The following WDR64 variants were observed in gnomAD, a reference collection of about 807,000 sequenced individuals.
The protein encoded by WDR64 is WD repeat-containing protein 64.
In WDR64, 112 loss-of-function variants were observed where a neutral mutation model predicts 139.3. That is an observed-to-expected ratio of 0.80 (90% CI 0.69 to 0.94). WDR64 has a LOEUF of 0.94. Among genes scored for constraint, WDR64 ranks in the 40% least tolerant of loss-of-function variants. WDR64 has a pLI of 0.00. For missense variants in WDR64, 1,206 were observed against 1,293.1 expected, an observed-to-expected ratio of 0.93 and a Z score of 1.03; for synonymous variants, 444 against 437.7, an observed-to-expected ratio of 1.01 and a Z score of -0.18.
At chr1:241,658,134 A>C (rs975075252) in intron 1 of WDR64, among the ~76,000 whole-genome samples, 2 of 152,212 alleles carry the variant, frequency 1.3e-5, no homozygotes, top group Non-Finnish European at 2.9e-5. Flanking sequence ...TCTTACACAT[A>C]ACAGATACTC....
At chr1:241,759,589 C>A (rs1453871267) in intron 15 of WDR64, among the ~76,000 whole-genome samples, 7 of 152,100 alleles carry the variant, frequency 4.6e-5, no homozygotes, top group Admixed American at 3.9e-4. Context: ...TCCCTCTCTA[C>A]CTTCTTAAGC....
At position 241,703,938 on chromosome 1, in the gene WDR64, G is replaced by A. The variant is rs1039140239; in HGVS notation, c.975-7864G>A. Among the ~76,000 whole-genome samples the A allele has an allele frequency of 6.6e-6, 1 of 152,072 alleles. No homozygotes were observed. Among genetic ancestry groups the A allele is most frequent in the East Asian group, 1.9e-4 (1 of 5,192 alleles). The stretch of plus-strand genomic sequence containing the variant: ...CATGAGAACTCACTCACTAACACAA[G>A]AACAACACGGGAGAAGCCGCCCCCA... On this transcript the variant is annotated intron_variant, in intron 8 of 27. Coordinates refer to ENST00000437684, the MANE Select transcript of WDR64 (RefSeq NM_001367482.1). This position sits in a 1 kb window ranked among gnomAD's most constrained non-coding sequence, Gnocchi z 5.9.
intron 1 of WDR64, among the ~76,000 whole-genome samples, chr1:241,658,676 C>T (rs915906379): frequency 7.3e-5 from 11 of 150,162 alleles, no homozygotes; most frequent in Non-Finnish European, 1.3e-4. Context: ...TGTTTGCTCA[C>T]TTCCACCTTC....
rs1665712219 is a variant in WDR64, at chr1:241,658,823, AAACACC to A, written c.146-1705_146-1700del. Among the ~76,000 whole-genome samples the A allele has an allele frequency of 2.0e-5, 3 of 152,130 alleles. No homozygotes were observed. In the South Asian group the frequency reaches 6.2e-4, roughly 32 times the overall value. On this transcript the variant is annotated intron_variant, in intron 1 of 27. Transcript: ENST00000437684. The stretch of plus-strand genomic sequence containing the variant: ...AAACAGAAACCACAGAGAATGTATC[AAACACC>A]ACAGTAAAATATTTTCTTCTTATTT...
At position 241,772,451 on chromosome 1, in the gene WDR64, C is replaced by CTTTTTTTTTTT. The variant is rs534177884; in HGVS notation, c.2291-322_2291-312dup. Among the ~76,000 whole-genome samples the CTTTTTTTTTTT allele has an allele frequency of 4.1e-3, 240 of 59,052 alleles. 46 individuals carry two copies. Among genetic ancestry groups the CTTTTTTTTTTT allele is most frequent in the Middle Eastern group, 0.036 (2 of 56 alleles). The allele number at this position is 59,052 out of a possible 152,430, so 38.7% of individuals were successfully genotyped here. A position where few individuals can be genotyped will look rare whatever the true frequency, so the allele number is the denominator to read the frequency against. ...AGTATTGCAAATTCCAAGATAGATC[C>CTTTTTTTTTTT]TTTTTTTTTTTTTTTTTTTTTTTTT... On this transcript the variant is annotated intron_variant, in intron 19 of 27. Coordinates refer to ENST00000437684, the MANE Select transcript of WDR64 (RefSeq NM_001367482.1).
At chr1:241,728,808 G>A (rs1668956479) in intron 10 of WDR64, among the ~76,000 whole-genome samples, 1 of 144,878 alleles carries the variant, frequency 6.9e-6, no homozygotes, top group Non-Finnish European at 1.5e-5. Context: ...TGACCAAAAG[G>A]CTGATTCTCT....
At position 241,711,782 on chromosome 1, in the gene WDR64, A is replaced by G; in HGVS notation, c.975-20A>G. The G allele has an allele frequency of 1.2e-6, 2 of 1,611,676 alleles. No individual in the cohort carries two copies. Among genetic ancestry groups the G allele is most frequent in the Non-Finnish European group, 8.5e-7 (1 of 1,177,860 alleles). On this transcript the variant is annotated intron_variant, in intron 8 of 27. Transcript: ENST00000437684. ...ATAAAGAAAAATATATATGTTTTCC[A>G]TCTAATTTGTGTTTTCCAGGCCTGT...
At chr1:241,655,539 G>A (rs1380508322) in intron 1 of WDR64, among the ~76,000 whole-genome samples, 1 of 152,098 alleles carries the variant, frequency 6.6e-6, no homozygotes, top group Non-Finnish European at 1.5e-5. Context: ...AAGCATGCAA[G>A]GTCATTCACA....
At chr1:241,705,550 T>TAAAA (rs1275824643) in intron 8 of WDR64, among the ~76,000 whole-genome samples, 6 of 73,124 alleles carry the variant, frequency 8.2e-5, no homozygotes, top group Admixed American at 6.0e-4. Flanking sequence ...TCTAAAAAAA[T>TAAAA]AAATAAATAA....
intron 15 of WDR64, among the ~76,000 whole-genome samples, chr1:241,758,170 A>T (rs1004581243): frequency 6.6e-6 from 1 of 152,156 alleles, no homozygotes; most frequent in Non-Finnish European, 1.5e-5. Context: ...GTGTTATTTA[A>T]GAAGTTCCGC....
At position 241,703,654 on chromosome 1, in the gene WDR64, T is replaced by C. The variant is rs982396382; in HGVS notation, c.975-8148T>C. 3.3e-5 allele frequency among the ~76,000 whole-genome samples: 5 copies of C among 152,188 alleles called. No homozygotes were observed. The highest frequency in any genetic ancestry group is 5.9e-5 in the Non-Finnish European group (4 of 68,036). ...TTAAGGATATTCAAACAATTATTTATTGGGAGCCTTCTATATTCAAAGAAC... is the reference window on the plus strand; with the variant it reads ...TTAAGGATATTCAAACAATTATTTACTGGGAGCCTTCTATATTCAAAGAAC... On this transcript the variant is annotated intron_variant, in intron 8 of 27. Transcript: ENST00000437684. This position sits in a 1 kb window ranked among gnomAD's most constrained non-coding sequence, Gnocchi z 5.9.
At chr1:241,770,584 A>C (rs993513522) in intron 17 of WDR64, 37 bp from the exon 18 acceptor site, 1 of 1,533,900 alleles carries the variant, frequency 6.5e-7, no homozygotes, top group Non-Finnish European at 8.8e-7. Context: ...AGCATATCTT[A>C]AAGTTTTACC....
intron 10 of WDR64, among the ~76,000 whole-genome samples, chr1:241,725,061 G>C (rs1488586527): frequency 2.0e-5 from 3 of 151,988 alleles, no homozygotes; most frequent in African/African-American, 7.2e-5. Flanking sequence ...GCAATAAAAA[G>C]CAGAGAAATT....
intron 27 of WDR64, among the ~76,000 whole-genome samples, chr1:241,796,715 A>G (rs1659378835): frequency 6.6e-6 from 1 of 152,168 alleles, no homozygotes; most frequent in Non-Finnish European, 1.5e-5. Flanking sequence ...GCTGGTCTCG[A>G]ACTCCTGACC....
intron 4 of WDR64, 55 bp from the exon 5 acceptor site, chr1:241,678,132 T>C (rs1666631487): frequency 5.0e-6 from 2 of 398,752 alleles, no homozygotes; most frequent in African/African-American, 2.1e-5. Flanking sequence ...GTCAGCATTC[T>C]CATCTTTAAT....
At chr1:241,792,036 C>T (rs1239605261) in intron 25 of WDR64, among the ~76,000 whole-genome samples, 1 of 152,174 alleles carries the variant, frequency 6.6e-6, no homozygotes, top group African/African-American at 2.4e-5. Context: ...AGGTTTTCCA[C>T]AAAATAAACC....
At position 241,664,446 on chromosome 1, in the gene WDR64, A is replaced by G. The variant is rs561141560; in HGVS notation, c.276+3786A>G. On this transcript the variant is annotated intron_variant, in intron 2 of 27. Coordinates refer to ENST00000437684, the MANE Select transcript of WDR64 (RefSeq NM_001367482.1). ...TGTTCATATTTTATTACACACTTAG[A>G]TTCAGAAAAGCAACGCTCTAAAGAT... Among the ~76,000 whole-genome samples the G allele has an allele frequency of 2.3e-4, 35 of 152,356 alleles. 1 individual carries two copies. Among genetic ancestry groups the G allele is most frequent in the African/African-American group, 8.4e-4 (35 of 41,580 alleles).
At position 241,773,016 on chromosome 1, in the gene WDR64, T is replaced by A. The variant is rs999386713; in HGVS notation, c.2430+85T>A. 39 of 1,383,662 alleles carry A rather than the reference T, an allele frequency of 2.8e-5. 1 individual carries two copies. The highest frequency in any genetic ancestry group is 3.5e-5 in the Non-Finnish European group (37 of 1,052,140). 85.7% of individuals were successfully genotyped at this position (1,383,662 alleles called of 1,614,324 possible). A position where few individuals can be genotyped will look rare whatever the true frequency, so the allele number is the denominator to read the frequency against. ...AAATGAATCTTAGTGTTCTTCCATA[T>A]GGCATCCAATTATAATATTTTTTCA... On this transcript the variant is annotated intron_variant, in intron 20 of 27. Transcript: ENST00000437684.
chr1:241,747,250 C>T (rs886184398), intron 13 of WDR64, among the ~76,000 whole-genome samples: 21 of 152,056 alleles, frequency 1.4e-4, no homozygotes, highest in Non-Finnish European at 8.8e-5. Context: ...TTTATACATA[C>T]GGTAAAATTG....
Sources: allele counts gnomAD v4.1 joint callset (sites outside exome capture counted in the v4.1 genomes callset), GRCh38; gene constraint gnomAD v4.1.1; non-coding constraint Gnocchi (gnomAD v3.1); transcripts MANE v1.5; gene names NCBI Gene and HGNC (gene_info 2026-07-23, HGNC 2026-07-21).